Variants in STK32B observed in about 807,000 individuals in gnomAD.
The protein encoded by STK32B is serine/threonine kinase 32B.
A neutral mutation model predicts 52.6 loss-of-function variants in STK32B; 43 were observed. The ratio of observed to expected loss-of-function variants is 0.82; its 90% CI spans 0.64 to 1.05. The LOEUF (loss-of-function observed/expected upper bound fraction) is 1.05, where lower values mean the gene tolerates loss of function less well. Among genes scored for constraint, STK32B ranks in the 50% least tolerant of loss-of-function variants. STK32B has a pLI of 0.00. For missense variants in STK32B, 621 were observed against 534.6 expected (o/e 1.16, Z -1.59); for synonymous variants, 238 against 204.3 (o/e 1.17, Z -1.41).
chr4:5,454,042 G>T (rs1465004216), intron 7 of STK32B, among the ~76,000 whole-genome samples: 1 of 152,078 alleles, frequency 6.6e-6, no homozygotes, highest in African/African-American at 2.4e-5. Flanking sequence ...CAGCCCCATA[G>T]ATTCCCTCCC....
At chr4:5,208,764 G>T (rs1409613368) in intron 3 of STK32B, among the ~76,000 whole-genome samples, 2 of 152,118 alleles carry the variant, frequency 1.3e-5, no homozygotes, top group African/African-American at 4.8e-5. Flanking sequence ...GCCCCATGGT[G>T]GGAAGGGAAA....
At chr4:5,328,493 A>T (rs2108950002) in intron 3 of STK32B, among the ~76,000 whole-genome samples, 1 of 152,334 alleles carries the variant, frequency 6.6e-6, no homozygotes, top group South Asian at 2.1e-4. Flanking sequence ...GAAAGGCCCA[A>T]GGAGAAAGTG....
At chr4:5,185,492 G>A (rs147687264) in intron 3 of STK32B, among the ~76,000 whole-genome samples, 172 of 152,326 alleles carry the variant, frequency 1.1e-3, no homozygotes, top group Non-Finnish European at 1.7e-3. Flanking sequence ...ACTATATTAA[G>A]TATTTGAAGG....
rs1735701034 is a variant in STK32B at position 5,378,183 on chromosome 4, C to T, written c.435-20024C>T. On this transcript the variant is annotated intron_variant, in intron 4 of 11. Coordinates refer to ENST00000282908, the MANE Select transcript of STK32B (RefSeq NM_018401.3). This position sits in a 1 kb window ranked among gnomAD's most constrained non-coding sequence, Gnocchi z 4.4. Reference sequence around the variant, plus strand: ...GTCTGAGTGTTCATTCATGTCCAGTCCAGTAGCGCCCACTGGTGACAGCAG... The same window carrying T: ...GTCTGAGTGTTCATTCATGTCCAGTTCAGTAGCGCCCACTGGTGACAGCAG... Among the ~76,000 whole-genome samples the T allele has an allele frequency of 6.6e-6, 1 of 152,190 alleles. No homozygotes were observed. The highest frequency in any genetic ancestry group is 2.4e-5 in the African/African-American group (1 of 41,448).
intron 11 of STK32B, among the ~76,000 whole-genome samples, chr4:5,479,747 A>C (rs935892810): frequency 2.0e-5 from 3 of 152,054 alleles, no homozygotes; most frequent in African/African-American, 7.2e-5. Context: ...TTTCTCTTTC[A>C]ATATCCACCC....
intron 3 of STK32B, among the ~76,000 whole-genome samples, chr4:5,275,908 T>G (rs1041850240): frequency 6.6e-6 from 1 of 152,096 alleles, no homozygotes; most frequent in Admixed American, 6.5e-5. Context: ...ATGCATCCAG[T>G]CACCTGCTAG....
intron 3 of STK32B, among the ~76,000 whole-genome samples, chr4:5,239,540 C>T (rs1724864364): frequency 6.6e-6 from 1 of 152,032 alleles, no homozygotes; most frequent in Non-Finnish European, 1.5e-5. Context: ...GCGGGAGATG[C>T]TGGGTCTGGA....
rs145147189 is a variant in STK32B, at chr4:5,125,375, C to T, written c.53-14530C>T. ...TACAAAGCTTTCCTATGTGTGGCCT[C>T]GGGCTAGGAACTGAGAATGTAGAAA... On this transcript the variant is annotated intron_variant, in intron 1 of 11. Coordinates refer to ENST00000282908, the MANE Select transcript of STK32B (RefSeq NM_018401.3). 1.1e-3 allele frequency among the ~76,000 whole-genome samples: 170 copies of T among 152,312 alleles called. 1 individual carries two copies. The highest frequency in any genetic ancestry group is 3.8e-3 in the African/African-American group (158 of 41,574).
chr4:5,451,922 C>T (rs551959736), intron 7 of STK32B, among the ~76,000 whole-genome samples: 225 of 152,224 alleles, frequency 1.5e-3, no homozygotes, highest in Non-Finnish European at 2.9e-3. Flanking sequence ...AAGGAACCCT[C>T]GCCCCTTTCA....
At chr4:5,317,762 A>T (rs1291747707) in intron 3 of STK32B, among the ~76,000 whole-genome samples, 1 of 151,354 alleles carries the variant, frequency 6.6e-6, no homozygotes, top group African/African-American at 2.4e-5. Flanking sequence ...TTGAAGGATA[A>T]ACAAAGAGTT....
intron 1 of STK32B, among the ~76,000 whole-genome samples, chr4:5,109,839 G>T (rs1477954429): frequency 1.3e-5 from 2 of 152,166 alleles, no homozygotes; most frequent in Non-Finnish European, 2.9e-5. Context: ...TCAGTTCTCT[G>T]ACAACATGAT....
At chr4:5,487,918 C>G (rs1423952948) in intron 11 of STK32B, among the ~76,000 whole-genome samples, 1 of 152,078 alleles carries the variant, frequency 6.6e-6, no homozygotes, top group African/African-American at 2.4e-5. Flanking sequence ...TAAAATTTAT[C>G]TAGTTTCAAT....
intron 9 of STK32B, among the ~76,000 whole-genome samples, chr4:5,463,043 C>G (rs1181895841): frequency 6.6e-6 from 1 of 152,232 alleles, no homozygotes; most frequent in East Asian, 1.9e-4. Flanking sequence ...CTTCACAGAT[C>G]CGATGAGAAA....
intron 4 of STK32B, among the ~76,000 whole-genome samples, chr4:5,331,875 CCTTA>C (rs1732273951): frequency 6.6e-6 from 1 of 152,176 alleles, no homozygotes; most frequent in Non-Finnish European, 1.5e-5. Context: ...TCCTCAGGGA[CCTTA>C]CTTCTCCCTG....
At chr4:5,326,220 C>T (rs2108946705) in intron 3 of STK32B, among the ~76,000 whole-genome samples, 1 of 152,206 alleles carries the variant, frequency 6.6e-6, no homozygotes, top group South Asian at 2.1e-4. Context: ...TTCAATAGTC[C>T]ATCAACTATT....
intron 3 of STK32B, among the ~76,000 whole-genome samples, chr4:5,300,969 T>A (rs1553866725): frequency 6.6e-6 from 1 of 152,152 alleles, no homozygotes; most frequent in Non-Finnish European, 1.5e-5. Flanking sequence ...CTATTCCTAG[T>A]TTGTTGAATA....
intron 1 of STK32B, among the ~76,000 whole-genome samples, chr4:5,073,202 T>G (rs1321408767): frequency 2.0e-5 from 3 of 151,994 alleles, no homozygotes; most frequent in African/African-American, 7.2e-5. Context: ...TGCTCTCTGT[T>G]TTCTATTTGT....
At chr4:5,240,546 G>GTGGCATGAA (rs1724953312) in intron 3 of STK32B, among the ~76,000 whole-genome samples, 2 of 152,048 alleles carry the variant, frequency 1.3e-5, no homozygotes, top group Non-Finnish European at 2.9e-5. Context: ...TGCAACCTCC[G>GTGGCATGAA]CCTCCCGGGT....
intron 3 of STK32B, among the ~76,000 whole-genome samples, chr4:5,329,636 C>G (rs576525170): frequency 6.6e-6 from 1 of 152,340 alleles, no homozygotes; most frequent in Non-Finnish European, 1.5e-5. Context: ...GTGCACGCCT[C>G]CAGGGCGAAG....
Sources: gnomAD v4.1 joint callset for allele counts (sites outside exome capture counted in the v4.1 genomes callset) on GRCh38, gnomAD v4.1.1 for gene constraint, Gnocchi (gnomAD v3.1) non-coding constraint, MANE v1.5 for transcripts, NCBI Gene and HGNC (gene_info 2026-07-23, HGNC 2026-07-21) for gene names.